Variants in COL23A1 observed in about 807,000 individuals in gnomAD.
COL23A1 encodes collagen type XXIII alpha 1 chain.
In COL23A1, 97 loss-of-function variants were observed where a neutral mutation model predicts 99.3. That is an observed-to-expected ratio of 0.98 (90% CI 0.83 to 1.16). The LOEUF (loss-of-function observed/expected upper bound fraction) is 1.16, where lower values mean the gene tolerates loss of function less well. Among genes scored for constraint, COL23A1 ranks in the 50% most tolerant of loss-of-function variants. The pLI is 0.00. For synonymous variants in COL23A1, 320 were observed against 308.2 expected (o/e 1.04, Z -0.40); for missense variants, 762 against 757.4 (o/e 1.01, Z -0.07).
intron 2 of COL23A1, among the ~76,000 whole-genome samples, chr5:178,389,372 TCA>T (rs1271258434): frequency 4.6e-5 from 7 of 152,182 alleles, no homozygotes; most frequent in African/African-American, 1.7e-4. Flanking sequence ...ACACAGAGAC[TCA>T]CAGCACACAG....
intron 2 of COL23A1, among the ~76,000 whole-genome samples, chr5:178,332,631 C>T (rs1035065354): frequency 5.3e-5 from 8 of 152,166 alleles, no homozygotes; most frequent in African/African-American, 1.9e-4. Flanking sequence ...ACACAAGAAA[C>T]AGACTCGTTC....
chr5:178,558,393 G>A (rs1342315358), intron 2 of COL23A1, among the ~76,000 whole-genome samples: 1 of 152,088 alleles, frequency 6.6e-6, no homozygotes, highest in African/African-American at 2.4e-5. Flanking sequence ...GCCAGCTTGT[G>A]TCCCCCTTCT....
intron 1 of COL23A1, among the ~76,000 whole-genome samples, chr5:178,579,515 G>A (rs1329464276): frequency 6.6e-6 from 1 of 152,068 alleles, no homozygotes; most frequent in Non-Finnish European, 1.5e-5. Flanking sequence ...GTGTGGTGGC[G>A]AGATCTCGGC....
chr5:178,477,505 C>T (rs952163113), intron 2 of COL23A1, among the ~76,000 whole-genome samples: 1 of 152,216 alleles, frequency 6.6e-6, no homozygotes, highest in African/African-American at 2.4e-5. Flanking sequence ...AGAAGCAGAA[C>T]GTCCTCAAAA....
At chr5:178,315,419 A>G (rs1213824473) in intron 2 of COL23A1, among the ~76,000 whole-genome samples, 2 of 152,190 alleles carry the variant, frequency 1.3e-5, no homozygotes, top group African/African-American at 4.8e-5. Flanking sequence ...TGAGATGTAC[A>G]AGATTGGCCC....
intron 2 of COL23A1, among the ~76,000 whole-genome samples, chr5:178,333,186 G>C (rs1285214719): frequency 6.6e-6 from 1 of 152,128 alleles, no homozygotes; most frequent in South Asian, 2.1e-4. Flanking sequence ...TTGAACTCCT[G>C]ACCTCGTGAT....
chr5:178,524,873 T>C (rs1380568119), intron 2 of COL23A1, among the ~76,000 whole-genome samples: 1 of 152,240 alleles, frequency 6.6e-6, no homozygotes, highest in African/African-American at 2.4e-5. Flanking sequence ...CAGTCATTCA[T>C]TCATTCAACA....
intron 2 of COL23A1, chr5:178,523,727 A>G (rs1760150301): frequency 6.6e-6 from 1 of 152,204 alleles, no homozygotes; most frequent in Admixed American, 6.5e-5. Flanking sequence ...AAAAAAATTC[A>G]TTGAAACCCG....
Position 178,465,097 on chromosome 5 carries a change from C to T in COL23A1, c.361+95585G>A, listed in dbSNP as rs184135553. Among the ~76,000 whole-genome samples, 413 of 152,242 alleles carry T rather than the reference C, an allele frequency of 2.7e-3. 1 individual carries two copies. Among genetic ancestry groups the T allele is most frequent in the Non-Finnish European group, 2.6e-3 (178 of 68,020 alleles). On this transcript the variant is annotated intron_variant, in intron 2 of 28. Transcript: ENST00000390654. Reference sequence around the variant, plus strand: ...ATATCCAAAGCCCAGCCAGGTGGGGCCAGGGGTCTTATTAAGTGCTCCTGA... The same window carrying T: ...ATATCCAAAGCCCAGCCAGGTGGGGTCAGGGGTCTTATTAAGTGCTCCTGA...
At chr5:178,319,247 A>C in intron 2 of COL23A1, among the ~76,000 whole-genome samples, 1 of 152,202 alleles carries the variant, frequency 6.6e-6, no homozygotes, top group East Asian at 1.9e-4. Context: ...GTTGGAAAAC[A>C]GGCTCCAGAG....
intron 2 of COL23A1, among the ~76,000 whole-genome samples, chr5:178,380,393 T>TTGTGTGTG (rs112420315): frequency 8.4e-4 from 124 of 147,218 alleles, no homozygotes; most frequent in East Asian, 5.2e-3. Context: ...GAGCATGCAT[T>TTGTGTGTG]TGTGTGTGTG....
At chr5:178,432,109 C>A (rs1007574464) in intron 2 of COL23A1, among the ~76,000 whole-genome samples, 2 of 152,182 alleles carry the variant, frequency 1.3e-5, no homozygotes, top group Non-Finnish European at 2.9e-5. Flanking sequence ...TCTGGTACGT[C>A]CCCTGAGTGT....
chr5:178,287,783 G>A (rs2127583043), intron 5 of COL23A1, among the ~76,000 whole-genome samples: 1 of 152,348 alleles, frequency 6.6e-6, no homozygotes, highest in East Asian at 1.9e-4. Flanking sequence ...CACAGGACCT[G>A]ACAGCGGCAC....
intron 4 of COL23A1, among the ~76,000 whole-genome samples, chr5:178,289,736 C>T (rs189992154): frequency 1.6e-4 from 25 of 152,294 alleles, no homozygotes; most frequent in African/African-American, 5.3e-4. Context: ...CTAGCATTTC[C>T]GTGTACCAAG....
chr5:178,480,350 G>C (rs191352886), intron 2 of COL23A1, among the ~76,000 whole-genome samples: 20 of 152,094 alleles, frequency 1.3e-4, no homozygotes, highest in Middle Eastern at 3.4e-3. Context: ...TGGATCCACC[G>C]GTCACCTCGG....
rs1308512273 is a variant in COL23A1, at chr5:178,309,381, T to C, written c.362-2462A>G. On this transcript the variant is annotated intron_variant, in intron 2 of 28. Transcript: ENST00000390654. This position sits in a 1 kb window ranked among gnomAD's most constrained non-coding sequence, Gnocchi z 4.7. Reference sequence around the variant, plus strand: ...GGCAGGACTGGGGTGTTGCTGAGCATACAGGGCCTGTGAGCCGCAGGCCAG... The same window carrying C: ...GGCAGGACTGGGGTGTTGCTGAGCACACAGGGCCTGTGAGCCGCAGGCCAG... Among the ~76,000 whole-genome samples, 1 of 152,008 alleles carries C rather than the reference T, an allele frequency of 6.6e-6. No homozygotes were observed. The highest frequency in any genetic ancestry group is 6.5e-5 in the Admixed American group (1 of 15,284).
chr5:178,488,791 G>A (rs1444669735), intron 2 of COL23A1, among the ~76,000 whole-genome samples: 1 of 152,178 alleles, frequency 6.6e-6, no homozygotes, highest in Non-Finnish European at 1.5e-5. Context: ...GAGTTCTGGA[G>A]CTCCGTGAGG....
intron 17 of COL23A1, among the ~76,000 whole-genome samples, 185 bp from the exon 18 acceptor site, chr5:178,250,290 G>C (rs1355356427): frequency 6.6e-6 from 1 of 152,232 alleles, no homozygotes; most frequent in Admixed American, 6.5e-5. Flanking sequence ...GTAGCCCATG[G>C]CTATCACCTG....
chr5:178,500,358 C>T (rs773718907), intron 2 of COL23A1, among the ~76,000 whole-genome samples: 9 of 127,000 alleles, frequency 7.1e-5, no homozygotes, highest in Non-Finnish European at 9.4e-5. Flanking sequence ...GAAGCCGAGG[C>T]GGGAGGGTCA....
Sources: gnomAD v4.1 joint callset for allele counts (sites outside exome capture counted in the v4.1 genomes callset) on GRCh38, gnomAD v4.1.1 for gene constraint, Gnocchi (gnomAD v3.1) non-coding constraint, MANE v1.5 for transcripts, NCBI Gene and HGNC (gene_info 2026-07-23, HGNC 2026-07-21) for gene names.